The following DIAPH2 variants were observed in gnomAD, a reference collection of about 807,000 sequenced individuals.
DIAPH2 encodes the protein protein diaphanous homolog 2.
Under a neutral mutation model 92.7 loss-of-function variants are expected in DIAPH2, and 35 were observed. The ratio of observed to expected loss-of-function variants is 0.38; its 90% CI spans 0.29 to 0.50. The LOEUF (loss-of-function observed/expected upper bound fraction) is 0.50. DIAPH2 is among the 20% of genes least tolerant of loss of function. The pLI is 0.94. For synonymous variants in DIAPH2, 301 were observed against 280.4 expected, an observed-to-expected ratio of 1.07 and a Z score of -0.73; for missense variants, 701 against 819.5, an observed-to-expected ratio of 0.86 and a Z score of 1.77.
At chrX:97,170,940 G>T (rs1234806932) in intron 22 of DIAPH2, among the ~76,000 whole-genome samples, 1 of 109,744 alleles carries the variant, frequency 9.1e-6, no homozygotes, top group African/African-American at 3.3e-5. Context: ...GCAGTGGTGC[G>T]ATCTTAGCTC....
intron 23 of DIAPH2, among the ~76,000 whole-genome samples, chrX:97,311,173 G>A (rs2068790880): frequency 1.8e-5 from 2 of 111,669 alleles, no homozygotes; most frequent in African/African-American, 6.5e-5. Flanking sequence ...GTTAAGAACA[G>A]ACTGATAAGC....
chrX:96,972,355 A>G (rs2147832510), intron 17 of DIAPH2, among the ~76,000 whole-genome samples: 1 of 112,317 alleles, frequency 8.9e-6, no homozygotes, highest in South Asian at 3.7e-4. Flanking sequence ...ATGTTTAAAT[A>G]TTTAATATGT....
intron 4 of DIAPH2, among the ~76,000 whole-genome samples, chrX:96,821,933 A>G (rs2064780889): frequency 8.9e-6 from 1 of 112,010 alleles, no homozygotes; most frequent in South Asian, 3.7e-4. Flanking sequence ...TACACAAGAC[A>G]TAGTAGCATA....
intron 23 of DIAPH2, among the ~76,000 whole-genome samples, chrX:97,346,533 A>C (rs1181575246): frequency 8.9e-6 from 1 of 111,760 alleles, no homozygotes; most frequent in Non-Finnish European, 1.9e-5. Context: ...CCTCTAAAAC[A>C]AAAGACAGAT....
chrX:97,503,036 C>G (rs1462609540), intron 26 of DIAPH2, among the ~76,000 whole-genome samples: 2 of 112,041 alleles, frequency 1.8e-5, no homozygotes, highest in Non-Finnish European at 3.8e-5. Context: ...ATTAAGTAGG[C>G]AGAACCCATA....
intron 17 of DIAPH2, among the ~76,000 whole-genome samples, chrX:97,070,079 T>G (rs1382653058): frequency 9.0e-6 from 1 of 111,688 alleles, no homozygotes; most frequent in African/African-American, 3.2e-5. Flanking sequence ...AATGTCTTCA[T>G]TATTAGGATT....
intron 22 of DIAPH2, among the ~76,000 whole-genome samples, chrX:97,182,889 A>C (rs2067551304): frequency 9.0e-6 from 1 of 111,204 alleles, no homozygotes; most frequent in Non-Finnish European, 1.9e-5. Flanking sequence ...ATCAGTAATT[A>C]CCTATTTTTG....
At chrX:97,138,888 A>G (rs1005503418) in intron 21 of DIAPH2, among the ~76,000 whole-genome samples, 7 of 111,540 alleles carry the variant, frequency 6.3e-5, no homozygotes, top group African/African-American at 2.0e-4. Context: ...TGAAATGCAT[A>G]CAATATAACC....
rs185206936 is a variant in DIAPH2, at chrX:96,763,292, C to G, written c.447+5034C>G. ...AATTTAGCCTGGACAAGTATTTTTT[C>G]TGTGGTTTTTGGGAGATGTTTTAGA... On this transcript the variant is annotated intron_variant, in intron 4 of 26. Coordinates refer to ENST00000324765, the MANE Select transcript of DIAPH2 (RefSeq NM_006729.5). Among the ~76,000 whole-genome samples, 3 of 111,192 alleles carry G rather than the reference C, an allele frequency of 2.7e-5. No homozygotes were observed. The East Asian group carries it at 8.5e-4, about 31-fold the overall frequency.
rs1024599367 is a variant in DIAPH2 at position 97,170,501 on chromosome X, C to A, written c.2719+28707C>A. 3.6e-5 allele frequency among the ~76,000 whole-genome samples: 4 copies of A among 111,785 alleles called. No individual in the cohort carries two copies. The East Asian group carries it at 8.4e-4, about 24-fold the overall frequency. On this transcript the variant is annotated intron_variant, in intron 22 of 26. Transcript: ENST00000324765. ...GAAGACAGATAATTAAACATGAGGT[C>A]TGACAACATGAGCCTGACAAGTCCT...
chrX:96,756,228 A>G (rs767755145), intron 3 of DIAPH2, among the ~76,000 whole-genome samples: 7 of 110,793 alleles, frequency 6.3e-5, no homozygotes, highest in Admixed American at 1.9e-4. Context: ...CTTTGAGAAC[A>G]GTTGTATCAC....
intron 17 of DIAPH2, among the ~76,000 whole-genome samples, chrX:97,067,666 G>C (rs2066642813): frequency 9.0e-6 from 1 of 111,438 alleles, no homozygotes; most frequent in Admixed American, 9.5e-5. Context: ...CGCAAGATTA[G>C]TCTCCGTTTT....
At chrX:97,232,268 T>C (rs2068014896) in intron 22 of DIAPH2, among the ~76,000 whole-genome samples, 1 of 111,674 alleles carries the variant, frequency 9.0e-6, no homozygotes, top group African/African-American at 3.3e-5. Flanking sequence ...AGAGTCTCGC[T>C]CTGTCACCCA....
chrX:96,787,855 T>C (rs1334633520), intron 4 of DIAPH2, among the ~76,000 whole-genome samples: 1 of 100,248 alleles, frequency 1.0e-5, no homozygotes, highest in African/African-American at 3.5e-5. Flanking sequence ...TACGCCCAGC[T>C]AATTTTTTTC....
At chrX:97,573,881 G>A (rs1199779272) in intron 26 of DIAPH2, among the ~76,000 whole-genome samples, 2 of 110,375 alleles carry the variant, frequency 1.8e-5, no homozygotes, top group African/African-American at 3.3e-5. Flanking sequence ...GGCTGGTCTC[G>A]AACTCCTGAC....
At chrX:96,932,186 A>T (rs2065623807) in intron 10 of DIAPH2, among the ~76,000 whole-genome samples, 1 of 110,616 alleles carries the variant, frequency 9.0e-6, no homozygotes, top group Admixed American at 9.7e-5. Flanking sequence ...TTCTCTGTTT[A>T]TAGTAGCATC....
chrX:96,965,115 A>G lies in DIAPH2; in HGVS notation c.1958A>G (p.Glu653Gly). Reference protein sequence around the residue: ...WSKIEPTELSENCFWLRVKED... With the variant: ...WSKIEPTELSGNCFWLRVKED... ...CAGATTGAACCCACAGAATTATCTG[A>G]GAACTGTTTCTGGTTAAGAGTCAAA... The change falls in exon 17 of 27, where the codon GAG (glutamate) becomes GGG (glycine). Residue 653 changes from glutamate to glycine, a missense_variant. Physicochemically the swap from Glu to Gly is moderately conservative, Grantham distance 98. Coordinates refer to ENST00000324765, the MANE Select transcript of DIAPH2 (RefSeq NM_006729.5). 8.3e-7 allele frequency: 1 copy of G among 1,197,887 alleles called. No homozygotes were observed.
At chrX:96,896,509 C>T (rs2065345547) in intron 5 of DIAPH2, among the ~76,000 whole-genome samples, 1 of 111,784 alleles carries the variant, frequency 8.9e-6, no homozygotes, top group African/African-American at 3.2e-5. Context: ...TTTTATTTCA[C>T]AACCAGAAAA....
At chrX:97,479,964 A>G (rs2070639502) in intron 26 of DIAPH2, among the ~76,000 whole-genome samples, 1 of 111,932 alleles carries the variant, frequency 8.9e-6, no homozygotes, top group African/African-American at 3.2e-5. Context: ...CTGGGAAATG[A>G]ATCATTGGGA....
Sources: allele counts gnomAD v4.1 joint callset (sites outside exome capture counted in the v4.1 genomes callset), GRCh38; gene constraint gnomAD v4.1.1; transcripts MANE v1.5; gene names NCBI Gene and HGNC (gene_info 2026-07-23, HGNC 2026-07-21).